SNX8: variants seen among roughly 807,000 people sequenced by gnomAD.
SNX8 encodes sorting nexin 8.
A neutral mutation model predicts 51.6 loss-of-function variants in SNX8; 25 were observed. The ratio of observed to expected loss-of-function variants is 0.48; its 90% CI spans 0.35 to 0.68. The LOEUF (loss-of-function observed/expected upper bound fraction) is 0.68, where lower values mean the gene tolerates loss of function less well. SNX8 is among the 30% of genes least tolerant of loss of function. The probability of loss-of-function intolerance (pLI) is 0.00; values close to 1 mark genes in which losing one functional copy is unlikely to be tolerated. For missense variants in SNX8, 695 were observed against 624.0 expected (o/e 1.11, Z -1.21); for synonymous variants, 324 against 277.0 (o/e 1.17, Z -1.68).
intron 1 of SNX8, among the ~76,000 whole-genome samples, chr7:2,341,116 G>A (rs909893542): frequency 1.3e-5 from 2 of 149,874 alleles, no homozygotes; most frequent in South Asian, 4.2e-4. Flanking sequence ...GCTGCAACAG[G>A]CTGTGATCAC....
Position 2,291,998 on chromosome 7 carries a change from TC to T in SNX8, c.95-13694del, listed in dbSNP as rs1796161295. Among the ~76,000 whole-genome samples, 4 of 152,316 alleles carry T rather than the reference TC, an allele frequency of 2.6e-5. No homozygotes were observed. The South Asian group carries it at 6.2e-4, about 24-fold the overall frequency. Reference sequence around the variant, plus strand: ...ATGAGGCATGGCTGGGCGCACTGGCTCATGCCTGTAATCCCAACACTCTGGG... The same window carrying T: ...ATGAGGCATGGCTGGGCGCACTGGCTATGCCTGTAATCCCAACACTCTGGG... On this transcript the variant is annotated intron_variant, in intron 1 of 10. Coordinates refer to ENST00000222990, the MANE Select transcript of SNX8 (RefSeq NM_013321.4).
chr7:2,272,545 T>G (rs1223247325), intron 3 of SNX8, among the ~76,000 whole-genome samples: 1 of 151,864 alleles, frequency 6.6e-6, no homozygotes, highest in Non-Finnish European at 1.5e-5. Flanking sequence ...CTGGCTAATT[T>G]TTGTATTTTT....
At chr7:2,278,653 C>G (rs1439519546) in intron 1 of SNX8, among the ~76,000 whole-genome samples, 1 of 144,460 alleles carries the variant, frequency 6.9e-6, no homozygotes, top group African/African-American at 2.6e-5. Context: ...GCCGGACTCA[C>G]ACTACGGAGT....
chr7:2,297,550 C>CAAAAAAAAAAAAAAAAAAA (rs145543350), intron 1 of SNX8, among the ~76,000 whole-genome samples: 1 of 40,252 alleles, frequency 2.5e-5, no homozygotes, highest in Non-Finnish European at 4.3e-5. Context: ...AACCCCGCCG[C>CAAAAAAAAAAAAAAAAAAA]AAAAAAAAAA....
chr7:2,347,355 C>A (rs1461784321), intron 1 of SNX8, among the ~76,000 whole-genome samples: 1 of 151,590 alleles, frequency 6.6e-6, no homozygotes, highest in African/African-American at 2.4e-5. Flanking sequence ...GTGGTGGGCG[C>A]CTGTAGTCCT....
chr7:2,314,511 T>C (rs1379955487), upstream of SNX8: 3 of 1,075,580 alleles, frequency 2.8e-6, no homozygotes, highest in African/African-American at 2.0e-5. Context: ...ACACCCCGCC[T>C]GGTCACGCCC....
intron 1 of SNX8, among the ~76,000 whole-genome samples, chr7:2,310,575 G>A (rs979293806): frequency 4.6e-5 from 7 of 152,228 alleles, no homozygotes; most frequent in Non-Finnish European, 8.8e-5. Flanking sequence ...AGACCAACCT[G>A]GCTAACACGG....
In SNX8 at chr7:2,301,007, C is replaced by T. The variant is rs146215328; in HGVS notation, c.94+13321G>A. The stretch of plus-strand genomic sequence containing the variant: ...TAACCATTCTCCCACAAAATGACTT[C>T]AACACTCACAACAGGCATTCTGAAT... On this transcript the variant is annotated intron_variant, in intron 1 of 10. Transcript: ENST00000222990. Among the ~76,000 whole-genome samples the T allele has an allele frequency of 3.4e-3, 516 of 152,312 alleles. 4 individuals carry two copies. The South Asian group carries it at 0.042, about 13-fold the overall frequency.
chr7:2,259,511 G>C (rs971309661), intron 7 of SNX8, among the ~76,000 whole-genome samples: 1 of 152,198 alleles, frequency 6.6e-6, no homozygotes, highest in African/African-American at 2.4e-5. Flanking sequence ...CACAGCCCTG[G>C]AATGGGAGCC....
At chr7:2,285,127 G>C (rs1204975913) in intron 1 of SNX8, among the ~76,000 whole-genome samples, 1 of 151,488 alleles carries the variant, frequency 6.6e-6, no homozygotes, top group Non-Finnish European at 1.5e-5. Flanking sequence ...CAGGAGAATG[G>C]CGTGAACCCG....
At chr7:2,268,002 A>T (rs76572511) in intron 5 of SNX8, among the ~76,000 whole-genome samples, 3 of 121,188 alleles carry the variant, frequency 2.5e-5, no homozygotes, top group Admixed American at 8.0e-5. Flanking sequence ...TGCCCGGCCG[A>T]GACCCCGTCT....
intron 1 of SNX8, among the ~76,000 whole-genome samples, chr7:2,327,084 T>C (rs1023215124): frequency 2.0e-5 from 3 of 152,146 alleles, no homozygotes; most frequent in Admixed American, 6.6e-5. Flanking sequence ...CTGAAACTCA[T>C]AGGGGAGGAT....
At chr7:2,306,526 C>T (rs961624626) in intron 1 of SNX8, among the ~76,000 whole-genome samples, 4 of 152,076 alleles carry the variant, frequency 2.6e-5, no homozygotes, top group Admixed American at 6.6e-5. Flanking sequence ...TTAGCACTTT[C>T]GAAGCACAAC....
intron 1 of SNX8, among the ~76,000 whole-genome samples, chr7:2,323,763 C>T (rs1362386068): frequency 2.0e-5 from 3 of 152,172 alleles, no homozygotes; most frequent in East Asian, 1.9e-4. Flanking sequence ...ACACTAACCA[C>T]GCTAACACGT....
upstream of SNX8, among the ~76,000 whole-genome samples, chr7:2,316,149 A>G (rs1413230194): frequency 2.9e-5 from 4 of 140,234 alleles, no homozygotes; most frequent in Non-Finnish European, 6.1e-5. Flanking sequence ...GCAACCACTC[A>G]CTCACTGCAC....
chr7:2,332,823 A>AAAGG lies in SNX8; in HGVS notation c.-66+21395_-66+21398dup, dbSNP rs551341838. 1.8e-3 allele frequency among the ~76,000 whole-genome samples: 277 copies of AAAGG among 150,720 alleles called. 3 individuals are homozygous for AAAGG. The highest frequency in any genetic ancestry group is 6.8e-3 in the Middle Eastern group (2 of 294). On this transcript the variant is annotated intron_variant, in intron 1 of 5. Coordinates refer to the SNX8 transcript ENST00000435336. Reference sequence around the variant, plus strand: ...AGGAAGAAAAGAAAGAAAGAGAAAGAAAGGAAGGAAGGAAGGCAGGGAGGG... The same window carrying AAAGG: ...AGGAAGAAAAGAAAGAAAGAGAAAGAAAGGAAGGAAGGAAGGAAGGCAGGGAGGG...
intron 1 of SNX8, among the ~76,000 whole-genome samples, chr7:2,311,073 A>AG (rs1481896021): frequency 3.3e-5 from 5 of 152,212 alleles, no homozygotes; most frequent in Non-Finnish European, 7.3e-5. Flanking sequence ...TTTTATAAAG[A>AG]GGGTTGCCCT....
intron 1 of SNX8, among the ~76,000 whole-genome samples, chr7:2,335,967 G>A (rs144725367): frequency 5.6e-4 from 85 of 152,072 alleles, no homozygotes; most frequent in African/African-American, 1.4e-3. Flanking sequence ...GCTGGGCATG[G>A]TGTCAGGCGT....
At chr7:2,330,424 A>T (rs930279422) in intron 1 of SNX8, among the ~76,000 whole-genome samples, 1 of 152,122 alleles carries the variant, frequency 6.6e-6, no homozygotes, top group Non-Finnish European at 1.5e-5. Flanking sequence ...GGTGTGAGCC[A>T]CCGTGCCCAG....
Sources: allele counts gnomAD v4.1 joint callset (sites outside exome capture counted in the v4.1 genomes callset), GRCh38; gene constraint gnomAD v4.1.1; transcripts MANE v1.5; gene names NCBI Gene and HGNC (gene_info 2026-07-23, HGNC 2026-07-21).